The following ADAMTS18 variants were observed in gnomAD, a reference collection of about 807,000 sequenced individuals.
ADAMTS18 encodes the protein ADAM metallopeptidase with thrombospondin type 1 motif 18, also known as A disintegrin and metalloproteinase with thrombospondin motifs 18.
In ADAMTS18, 157 loss-of-function variants were observed where a neutral mutation model predicts 165.9. The ratio of observed to expected loss-of-function variants is 0.95; its 90% CI spans 0.83 to 1.08. ADAMTS18 has a LOEUF of 1.08. ADAMTS18 is among the 50% of genes least tolerant of loss of function. The pLI, the probability that ADAMTS18 is intolerant of heterozygous loss-of-function variation, is 0.00. For synonymous variants in ADAMTS18, 782 were observed against 578.2 expected, an observed-to-expected ratio of 1.35 and a Z score of -5.06; for missense variants, 2,040 against 1,534.0, an observed-to-expected ratio of 1.33 and a Z score of -5.51.
At chr16:77,414,201 G>A (rs999501987) in intron 3 of ADAMTS18, among the ~76,000 whole-genome samples, 1 of 152,108 alleles carries the variant, frequency 6.6e-6, no homozygotes, top group African/African-American at 2.4e-5. Flanking sequence ...CTGTTTGAAG[G>A]ACAAACAATT....
At position 77,358,354 on chromosome 16, in the gene ADAMTS18, T is replaced by C. The variant is rs1324023400; in HGVS notation, c.1322+964A>G. Among the ~76,000 whole-genome samples, 3 of 152,116 alleles carry C rather than the reference T, an allele frequency of 2.0e-5. No individual in the cohort carries two copies. In the East Asian group the frequency reaches 5.8e-4, roughly 29 times the overall value. ...ACTTTGGGAAACCGAGGTCGGCAGATCACCTGTAGTCAGCATGACCAACAT... is the reference window on the plus strand; with the variant it reads ...ACTTTGGGAAACCGAGGTCGGCAGACCACCTGTAGTCAGCATGACCAACAT... On this transcript the variant is annotated intron_variant, in intron 8 of 22. Coordinates refer to ENST00000282849, the MANE Select transcript of ADAMTS18 (RefSeq NM_199355.4).
chr16:77,374,461 G>A (rs1395040347), intron 3 of ADAMTS18, among the ~76,000 whole-genome samples: 3 of 152,104 alleles, frequency 2.0e-5, no homozygotes, highest in African/African-American at 7.2e-5. Flanking sequence ...CAGAATTTCA[G>A]GTCCCTCATT....
intron 3 of ADAMTS18, among the ~76,000 whole-genome samples, chr16:77,374,837 T>G (rs1418102451): frequency 6.6e-6 from 1 of 152,016 alleles, no homozygotes; most frequent in Non-Finnish European, 1.5e-5. Flanking sequence ...CTATTCAGAG[T>G]GACAAGGACA....
At chr16:77,362,688 A>ATCAG (rs1422451448) in intron 6 of ADAMTS18, among the ~76,000 whole-genome samples, 1 of 152,120 alleles carries the variant, frequency 6.6e-6, no homozygotes, top group African/African-American at 2.4e-5. Flanking sequence ...ATTACAATCA[A>ATCAG]TCAATCAATA....
intron 3 of ADAMTS18, among the ~76,000 whole-genome samples, chr16:77,417,263 T>C (rs2144840697): frequency 6.6e-6 from 1 of 151,552 alleles, no homozygotes; most frequent in African/African-American, 2.4e-5. Context: ...GGAGGATAGG[T>C]GGGTGGGTGG....
At chr16:77,397,805 C>T (rs1333365142) in intron 3 of ADAMTS18, among the ~76,000 whole-genome samples, 1 of 152,182 alleles carries the variant, frequency 6.6e-6, no homozygotes, top group Non-Finnish European at 1.5e-5. Context: ...TCAAAGCAGG[C>T]AACACTTGGA....
At chr16:77,290,872 A>G (rs1433303712) in intron 21 of ADAMTS18, 1 of 322,636 alleles carries the variant, frequency 3.1e-6, no homozygotes. Context: ...TAGCTATTAC[A>G]TTGTTCAGAA....
chr16:77,347,553 C>A (rs577718603), intron 10 of ADAMTS18, among the ~76,000 whole-genome samples: 1 of 151,830 alleles, frequency 6.6e-6, no homozygotes, highest in Non-Finnish European at 1.5e-5. Flanking sequence ...TTCCTGAGAG[C>A]AATTGATATT....
chr16:77,375,732 G>T (rs544268947), intron 3 of ADAMTS18, among the ~76,000 whole-genome samples: 1 of 152,164 alleles, frequency 6.6e-6, no homozygotes, highest in African/African-American at 2.4e-5. Flanking sequence ...TTGCTATAAA[G>T]AACTACCTGA....
intron 3 of ADAMTS18, among the ~76,000 whole-genome samples, chr16:77,416,196 G>C (rs995269793): frequency 2.0e-5 from 3 of 152,180 alleles, no homozygotes; most frequent in African/African-American, 4.8e-5. Flanking sequence ...GGATACCTGG[G>C]GGAAGAGCAT....
At chr16:77,300,549 G>T (rs1463690648) in intron 16 of ADAMTS18, 145 bp from the exon 17 acceptor site, 4 of 977,226 alleles carry the variant, frequency 4.1e-6, no homozygotes, top group East Asian at 2.6e-5. Flanking sequence ...TATGTTTTAT[G>T]TTGACTTAAA....
At chr16:77,366,788 A>AC (rs1489374477) in intron 4 of ADAMTS18, among the ~76,000 whole-genome samples, 1 of 152,238 alleles carries the variant, frequency 6.6e-6, no homozygotes, top group East Asian at 1.9e-4. Context: ...AACAGGAAAA[A>AC]ATAATGTAAC....
intron 3 of ADAMTS18, among the ~76,000 whole-genome samples, chr16:77,414,715 C>A (rs1454995787): frequency 6.6e-6 from 1 of 152,126 alleles, no homozygotes; most frequent in African/African-American, 2.4e-5. Context: ...CTACTGCATA[C>A]TAAAATTAGA....
chr16:77,323,988 C>A (rs1355123864), intron 13 of ADAMTS18, among the ~76,000 whole-genome samples: 1 of 152,212 alleles, frequency 6.6e-6, no homozygotes, highest in African/African-American at 2.4e-5. Flanking sequence ...AACTTTGACA[C>A]CAGCAAGCAT....
chr16:77,334,767 A>ATATATACTATAGTATACAGTAAATATAC (rs200744675), intron 12 of ADAMTS18, among the ~76,000 whole-genome samples: 19 of 84,934 alleles, frequency 2.2e-4, no homozygotes, highest in African/African-American at 7.8e-4. Flanking sequence ...AGTATACAGT[A>ATATATACTATAGTATACAGTAAATATAC]TATATACTAT....
chr16:77,377,938 G>A (rs1285785045), intron 3 of ADAMTS18, among the ~76,000 whole-genome samples: 1 of 152,136 alleles, frequency 6.6e-6, no homozygotes, highest in Non-Finnish European at 1.5e-5. Flanking sequence ...TGAGGATGGA[G>A]GGAAAGAAAC....
At chr16:77,306,557 C>CT (rs528404187) in intron 16 of ADAMTS18, among the ~76,000 whole-genome samples, 3 of 152,218 alleles carry the variant, frequency 2.0e-5, no homozygotes, top group East Asian at 3.9e-4. Flanking sequence ...TTTAAGGCCT[C>CT]TTTTTTTCTT....
chr16:77,394,049 G>C (rs180901249), intron 3 of ADAMTS18, among the ~76,000 whole-genome samples: 3 of 152,160 alleles, frequency 2.0e-5, no homozygotes, highest in Non-Finnish European at 4.4e-5. Flanking sequence ...GATTGATGAC[G>C]ATTTTATTTG....
intron 3 of ADAMTS18, among the ~76,000 whole-genome samples, chr16:77,374,165 ACT>A (rs2056917129): frequency 6.6e-6 from 1 of 150,942 alleles, no homozygotes; most frequent in East Asian, 2.0e-4. Context: ...TTTGCAGCGC[ACT>A]GAGATTGCAC....
Sources: allele counts gnomAD v4.1 joint callset (sites outside exome capture counted in the v4.1 genomes callset), GRCh38; gene constraint gnomAD v4.1.1; transcripts MANE v1.5; gene names NCBI Gene and HGNC (gene_info 2026-07-23, HGNC 2026-07-21).